The following KYNU variants were observed in gnomAD, a reference collection of about 807,000 sequenced individuals.
The protein encoded by KYNU is L-kynurenine hydrolase.
In KYNU, 54 loss-of-function variants were observed where a neutral mutation model predicts 59.2. The ratio of observed to expected loss-of-function variants is 0.91; its 90% confidence interval spans 0.73 to 1.14. KYNU has a LOEUF of 1.14. Ranked by LOEUF, KYNU falls within the 50% of genes most tolerant of loss-of-function variation. The probability of loss-of-function intolerance (pLI) is 0.00; values close to 1 mark genes in which losing one functional copy is unlikely to be tolerated. For missense variants in KYNU, 567 were observed against 554.4 expected (o/e 1.02, Z -0.23); for synonymous variants, 177 against 192.0 (o/e 0.92, Z 0.65).
At chr2:142,906,986 T>A (rs1654968032) in intron 2 of KYNU, among the ~76,000 whole-genome samples, 1 of 152,198 alleles carries the variant, frequency 6.6e-6, no homozygotes, top group African/African-American at 2.4e-5. Flanking sequence ...TTTAGTCCGG[T>A]GGCCATGCTA....
Position 143,051,200 on chromosome 2 carries a change from G to T in KYNU, c.*9028G>T, listed in dbSNP as rs1278718148. The T allele has an allele frequency of 2.0e-5, 3 of 152,050 alleles. No homozygotes were observed. The highest frequency in any genetic ancestry group is 7.2e-5 in the African/African-American group (3 of 41,416). 9.4% of individuals were successfully genotyped at this position (152,050 alleles called of 1,614,324 possible). On this transcript the variant is annotated 3_prime_UTR_variant, in exon 14 of 14. Coordinates refer to ENST00000264170, the MANE Select transcript of KYNU (RefSeq NM_003937.3). Reference sequence around the variant, plus strand: ...TTTTCAACTTTTGATTGTTTAAGATGGTTCTTGAGTCCTTTTGACATGACC... The same window carrying T: ...TTTTCAACTTTTGATTGTTTAAGATTGTTCTTGAGTCCTTTTGACATGACC...
intron 4 of KYNU, among the ~76,000 whole-genome samples, chr2:142,931,152 A>G (rs1034937119): frequency 5.3e-5 from 8 of 152,196 alleles, no homozygotes; most frequent in African/African-American, 1.7e-4. Flanking sequence ...CACGCCGCTG[A>G]CGTAAGTAGC....
chr2:143,006,420 C>T (rs1573892721), intron 10 of KYNU, among the ~76,000 whole-genome samples: 7 of 151,126 alleles, frequency 4.6e-5, no homozygotes, highest in Admixed American at 2.6e-4. Context: ...CATGGAATCT[C>T]GCTGATTGCT....
chr2:143,026,238 A>G (rs1686553189), intron 10 of KYNU, among the ~76,000 whole-genome samples: 1 of 152,232 alleles, frequency 6.6e-6, no homozygotes, highest in South Asian at 2.1e-4. Context: ...ATTCTTTTAA[A>G]TAGGATTTTT....
chr2:142,926,622 A>G (rs351708), intron 3 of KYNU, among the ~76,000 whole-genome samples: 85,153 of 152,044 alleles, frequency 0.56, 24,889 homozygotes, highest in African/African-American at 0.71. Context: ...GAGTAATCAC[A>G]CCAGTGCGTA....
chr2:142,988,679 G>C (rs1460575209), intron 10 of KYNU, among the ~76,000 whole-genome samples: 1 of 151,952 alleles, frequency 6.6e-6, no homozygotes, highest in Non-Finnish European at 1.5e-5. Context: ...CTTGACTCAT[G>C]AAGGCCACGT....
At chr2:143,035,475 A>C (rs1196992083) in intron 12 of KYNU, among the ~76,000 whole-genome samples, 1 of 152,224 alleles carries the variant, frequency 6.6e-6, no homozygotes, top group African/African-American at 2.4e-5. Context: ...TAATGCATTG[A>C]ATTGCTTCCC....
At chr2:142,929,744 A>G (rs747626074) in intron 4 of KYNU, among the ~76,000 whole-genome samples, 4 of 152,178 alleles carry the variant, frequency 2.6e-5, no homozygotes, top group Non-Finnish European at 5.9e-5. Context: ...TGAAAGAGTT[A>G]AGTTATTATC....
chr2:142,881,687 A>G (rs1481032291), intron 1 of KYNU, among the ~76,000 whole-genome samples: 5 of 152,160 alleles, frequency 3.3e-5, no homozygotes, highest in African/African-American at 4.8e-5. Flanking sequence ...CAAATATCCA[A>G]TGACCAGCTT....
At chr2:143,015,522 C>A (rs1409781086) in intron 10 of KYNU, among the ~76,000 whole-genome samples, 3 of 151,942 alleles carry the variant, frequency 2.0e-5, no homozygotes, top group Non-Finnish European at 2.9e-5. Flanking sequence ...ATTATCAGGT[C>A]AAGACTCATG....
At chr2:143,006,378 T>C (rs1685895309) in intron 10 of KYNU, among the ~76,000 whole-genome samples, 1 of 151,858 alleles carries the variant, frequency 6.6e-6, no homozygotes, top group Non-Finnish European at 1.5e-5. Context: ...CACGAGATTA[T>C]ATCCCACACC....
chr2:143,020,915 G>C (rs1686388301), intron 10 of KYNU, among the ~76,000 whole-genome samples: 1 of 152,136 alleles, frequency 6.6e-6, no homozygotes, highest in East Asian at 1.9e-4. Flanking sequence ...TAATACATGG[G>C]AGTTAGCCCT....
intron 4 of KYNU, among the ~76,000 whole-genome samples, chr2:142,942,873 T>G (rs982385782): frequency 2.0e-5 from 3 of 152,210 alleles, no homozygotes; most frequent in African/African-American, 4.8e-5. Context: ...TGGTAGCACT[T>G]GGGAGGGGCT....
chr2:143,034,531 C>G (rs1352807402), intron 12 of KYNU, among the ~76,000 whole-genome samples: 1 of 152,130 alleles, frequency 6.6e-6, no homozygotes, highest in Non-Finnish European at 1.5e-5. Context: ...TCATTTCATT[C>G]TGTCTCAATT....
At chr2:142,901,906 G>C (rs1682103892) in intron 2 of KYNU, among the ~76,000 whole-genome samples, 1 of 152,138 alleles carries the variant, frequency 6.6e-6, no homozygotes, top group Admixed American at 6.5e-5. Context: ...TCCCTCGAGT[G>C]GTATAGGTTT....
chr2:142,917,594 G>T (rs895782539), intron 2 of KYNU, among the ~76,000 whole-genome samples: 1 of 152,322 alleles, frequency 6.6e-6, no homozygotes, highest in East Asian at 1.9e-4. Flanking sequence ...GGGCCACTGT[G>T]CCTGGCTGAC....
At chr2:142,979,010 G>T (rs1374972197) in intron 8 of KYNU, among the ~76,000 whole-genome samples, 1 of 152,028 alleles carries the variant, frequency 6.6e-6, no homozygotes, top group Non-Finnish European at 1.5e-5. Context: ...ATTTCAATAG[G>T]CAATTAATCA....
chr2:142,899,054 G>C (rs1681980568), intron 2 of KYNU, among the ~76,000 whole-genome samples: 1 of 152,202 alleles, frequency 6.6e-6, no homozygotes, highest in Non-Finnish European at 1.5e-5. Context: ...AAACAGCAGT[G>C]GTGGACCCGG....
chr2:143,038,683 C>A (rs1686956119), intron 12 of KYNU, among the ~76,000 whole-genome samples: 1 of 152,092 alleles, frequency 6.6e-6, no homozygotes, highest in African/African-American at 2.4e-5. Flanking sequence ...GCTTAGATAT[C>A]ATTTACCTTC....
Sources: allele counts gnomAD v4.1 joint callset (sites outside exome capture counted in the v4.1 genomes callset), GRCh38; gene constraint gnomAD v4.1.1; transcripts MANE v1.5; gene names NCBI Gene and HGNC (gene_info 2026-07-23, HGNC 2026-07-21).